CSMD1: variants seen among roughly 807,000 people sequenced by gnomAD.
CSMD1 encodes the protein CUB and sushi domain-containing protein 1.
Under a neutral mutation model 417.5 loss-of-function variants are expected in CSMD1, and 213 were observed. The ratio of observed to expected loss-of-function variants is 0.51; its 90% CI spans 0.46 to 0.57. The LOEUF is 0.57. CSMD1 is among the 20% of genes least tolerant of loss of function. CSMD1 has a pLI of 0.00. For synonymous variants in CSMD1, 2,862 were observed against 1,736.8 expected, an observed-to-expected ratio of 1.65 and a Z score of -16.11; for missense variants, 6,923 against 4,529.7, an observed-to-expected ratio of 1.53 and a Z score of -15.17.
chr8:4,860,500 C>G (rs1585225523), intron 1 of CSMD1, among the ~76,000 whole-genome samples: 1 of 152,114 alleles, frequency 6.6e-6, no homozygotes. Context: ...CATCTTTTAC[C>G]ATGAGTAAAA....
intron 46 of CSMD1, among the ~76,000 whole-genome samples, chr8:3,099,044 A>C (rs1461170276): frequency 6.6e-6 from 1 of 151,580 alleles, no homozygotes; most frequent in East Asian, 1.9e-4. Flanking sequence ...ACCCCTCTGT[A>C]CTGCCCACCT....
chr8:4,507,590 T>C (rs887113428), intron 2 of CSMD1, among the ~76,000 whole-genome samples: 13 of 152,214 alleles, frequency 8.5e-5, no homozygotes, highest in African/African-American at 3.1e-4. Flanking sequence ...GTGGCTTATA[T>C]AATGGGCCAT....
chr8:4,227,654 T>G (rs1801439879), intron 3 of CSMD1, among the ~76,000 whole-genome samples: 1 of 152,008 alleles, frequency 6.6e-6, no homozygotes, highest in Non-Finnish European at 1.5e-5. Context: ...TCATTGCCAG[T>G]GATCCTCCTG....
At chr8:3,285,377 T>G (rs1803067254) in intron 25 of CSMD1, among the ~76,000 whole-genome samples, 1 of 145,322 alleles carries the variant, frequency 6.9e-6, no homozygotes, top group South Asian at 2.2e-4. Context: ...TTTGCCCTAT[T>G]TTTGTCAGAA....
chr8:4,464,876 T>A (rs1800066526), intron 2 of CSMD1, among the ~76,000 whole-genome samples: 3 of 152,188 alleles, frequency 2.0e-5, no homozygotes, highest in South Asian at 4.2e-4. Context: ...TTTATTAGTT[T>A]TTTATTAGTT....
chr8:3,313,327 C>A (rs546917689), intron 23 of CSMD1, among the ~76,000 whole-genome samples: 2 of 152,136 alleles, frequency 1.3e-5, no homozygotes, highest in African/African-American at 4.8e-5. Context: ...TCAGAGTGAA[C>A]AGGCAACATA....
At chr8:4,415,936 T>C (rs1421622371) in intron 3 of CSMD1, among the ~76,000 whole-genome samples, 1 of 152,202 alleles carries the variant, frequency 6.6e-6, no homozygotes, top group East Asian at 1.9e-4. Context: ...ATTTCTGCTT[T>C]CATTCCCTAG....
chr8:3,982,177 A>ATAATAATAT (rs1554506339), intron 5 of CSMD1, among the ~76,000 whole-genome samples: 12 of 131,314 alleles, frequency 9.1e-5, no homozygotes, highest in Non-Finnish European at 2.0e-4. Context: ...AATAATAATA[A>ATAATAATAT]TAATAATAAT....
In CSMD1 at chr8:4,265,371, AC is replaced by A. The variant is rs1215690770; in HGVS notation, c.415+154581del. 1.3e-3 allele frequency among the ~76,000 whole-genome samples: 136 copies of A among 108,562 alleles called. 19 individuals are homozygous for A. The highest frequency in any genetic ancestry group is 5.6e-3 in the Middle Eastern group (1 of 180). 71.2% of individuals were successfully genotyped at this position (108,562 alleles called of 152,430 possible). A position where few individuals can be genotyped will look rare whatever the true frequency, so the allele number is the denominator to read the frequency against. On this transcript the variant is annotated intron_variant, in intron 3 of 69. Transcript: ENST00000635120. ...ATCTGTCTCTGCACAGTATCATTTG[AC>A]ATGTTACAATTAGTAAACAGTTAAT... is the stretch of plus-strand genomic sequence containing the variant.
intron 26 of CSMD1, among the ~76,000 whole-genome samples, chr8:3,251,774 C>A (rs948717601): frequency 6.6e-6 from 1 of 152,110 alleles, no homozygotes; most frequent in South Asian, 2.1e-4. Flanking sequence ...TGAAGAGGTC[C>A]TTCACATCCC....
intron 1 of CSMD1, among the ~76,000 whole-genome samples, chr8:4,797,911 G>T (rs1798066642): frequency 6.6e-6 from 1 of 152,164 alleles, no homozygotes; most frequent in Non-Finnish European, 1.5e-5. Context: ...TTCCACAGAA[G>T]GGCATGACAG....
At chr8:4,743,339 A>C (rs1810742738) in intron 1 of CSMD1, among the ~76,000 whole-genome samples, 3 of 152,224 alleles carry the variant, frequency 2.0e-5, no homozygotes. Flanking sequence ...CTAAATGGAC[A>C]AAAACCAAAC....
At chr8:4,742,184 C>T (rs1209142822) in intron 1 of CSMD1, among the ~76,000 whole-genome samples, 1 of 150,454 alleles carries the variant, frequency 6.6e-6, no homozygotes, top group African/African-American at 2.5e-5. Context: ...GCGCCCGCCA[C>T]CACGCCCGGC....
At chr8:2,977,507 G>T (rs185012013) in intron 55 of CSMD1, among the ~76,000 whole-genome samples, 2 of 152,298 alleles carry the variant, frequency 1.3e-5, no homozygotes, top group East Asian at 3.9e-4. Context: ...TTTTACTGAT[G>T]GGCACTTGGG....
intron 6 of CSMD1, among the ~76,000 whole-genome samples, chr8:3,740,741 G>C (rs1796758803): frequency 1.3e-5 from 2 of 152,168 alleles, no homozygotes; most frequent in South Asian, 2.1e-4. Flanking sequence ...TTGGTACCTA[G>C]TTCCACAAAG....
rs9772458 is a variant in CSMD1, at chr8:4,041,070, G to T, written c.416-8971C>A. 3.6e-3 allele frequency among the ~76,000 whole-genome samples: 490 copies of T among 135,652 alleles called. 3 individuals are homozygous for T. Among genetic ancestry groups the T allele is most frequent in the African/African-American group, 0.014 (472 of 34,848 alleles). 89.0% of individuals were successfully genotyped at this position (135,652 alleles called of 152,430 possible). A position where few individuals can be genotyped will look rare whatever the true frequency, so the allele number is the denominator to read the frequency against. ...CTCGCTCTGTCGCCCAGGCTGGAGT[G>T]CAGTGGCGCGATCTCGGCTCACTGC... is the stretch of plus-strand genomic sequence containing the variant. On this transcript the variant is annotated intron_variant, in intron 3 of 69. Transcript: ENST00000635120.
intron 3 of CSMD1, among the ~76,000 whole-genome samples, chr8:4,166,577 T>C (rs1563212484): frequency 6.6e-6 from 1 of 152,066 alleles, no homozygotes. Flanking sequence ...GGCATGAGAA[T>C]GATATAATGG....
intron 20 of CSMD1, 46 bp downstream of exon 20, chr8:3,366,986 C>T (rs772402625): frequency 2.2e-6 from 3 of 1,392,702 alleles, no homozygotes; most frequent in South Asian, 2.4e-5. Flanking sequence ...ACAGAAATGG[C>T]AGTATTGTTG....
intron 3 of CSMD1, among the ~76,000 whole-genome samples, chr8:4,214,801 A>T (rs949654642): frequency 2.6e-5 from 4 of 152,220 alleles, no homozygotes; most frequent in African/African-American, 9.6e-5. Flanking sequence ...GTATAACTTT[A>T]AGAGAAGCTC....
Sources: gnomAD v4.1 joint callset for allele counts (sites outside exome capture counted in the v4.1 genomes callset) on GRCh38, gnomAD v4.1.1 for gene constraint, MANE v1.5 for transcripts, NCBI Gene and HGNC (gene_info 2026-07-23, HGNC 2026-07-21) for gene names.